Variants in KIF3B observed in about 807,000 individuals in gnomAD.
KIF3B encodes the protein kinesin-like protein KIF3B.
A neutral mutation model predicts 74.3 loss-of-function variants in KIF3B; 38 were observed. The ratio of observed to expected loss-of-function variants is 0.51; its 90% CI spans 0.39 to 0.67. The LOEUF (loss-of-function observed/expected upper bound fraction) is 0.67. KIF3B is among the 30% of genes least tolerant of loss of function. KIF3B has a pLI of 0.00. For missense variants in KIF3B, 649 were observed against 932.0 expected, an observed-to-expected ratio of 0.70 and a Z score of 3.95; for synonymous variants, 326 against 342.5, an observed-to-expected ratio of 0.95 and a Z score of 0.53.
chr20:32,322,388 C>T (rs2047864494), intron 5 of KIF3B, among the ~76,000 whole-genome samples: 1 of 150,878 alleles, frequency 6.6e-6, no homozygotes, highest in Non-Finnish European at 1.5e-5. Flanking sequence ...GTGGACGGAT[C>T]ACCTGAAGTC....
At chr20:32,306,682 C>T (rs1033359390) in intron 1 of KIF3B, among the ~76,000 whole-genome samples, 63 of 148,962 alleles carry the variant, frequency 4.2e-4, no homozygotes, top group African/African-American at 1.6e-3. Flanking sequence ...GCAACCGCCA[C>T]CTCCCGGGTT....
At chr20:32,278,613 A>G (rs6058616) in intron 1 of KIF3B, among the ~76,000 whole-genome samples, 2,024 of 152,220 alleles carry the variant, frequency 0.013, 45 homozygotes, top group African/African-American at 0.045. Context: ...CAAGGGAGGT[A>G]CTTCTACAAG....
chr20:32,285,605 C>A (rs1275636908), intron 1 of KIF3B, among the ~76,000 whole-genome samples: 2 of 152,168 alleles, frequency 1.3e-5, no homozygotes, highest in African/African-American at 2.4e-5. Flanking sequence ...CTGCTACTTG[C>A]TGTGTGACTT....
At chr20:32,286,966 A>G (rs770770520) in intron 1 of KIF3B, among the ~76,000 whole-genome samples, 1 of 152,230 alleles carries the variant, frequency 6.6e-6, no homozygotes, top group South Asian at 2.1e-4. Flanking sequence ...GTGTTAACCT[A>G]AAGCTGAAAA....
intron 1 of KIF3B, among the ~76,000 whole-genome samples, chr20:32,306,680 C>A (rs759480266): frequency 6.6e-6 from 1 of 150,514 alleles, no homozygotes; most frequent in African/African-American, 2.4e-5. Flanking sequence ...ATGCAACCGC[C>A]ACCTCCCGGG....
In KIF3B at chr20:32,289,294, A is replaced by G. The variant is rs1446406867; in HGVS notation, c.-66+11529A>G. Among the ~76,000 whole-genome samples, 4 of 150,972 alleles carry G rather than the reference A, an allele frequency of 2.6e-5. No homozygotes were observed. In the East Asian group the frequency reaches 7.8e-4, roughly 29 times the overall value. Reference sequence around the variant, plus strand: ...ACTGCAACCTCTGCCTCCTGGGTTCAAGCAGTTCTCTGCCTCAGCCTCCTG... The same window carrying G: ...ACTGCAACCTCTGCCTCCTGGGTTCGAGCAGTTCTCTGCCTCAGCCTCCTG... On this transcript the variant is annotated intron_variant, in intron 1 of 8. Transcript: ENST00000375712.
chr20:32,297,656 A>G (rs952660474), intron 1 of KIF3B, among the ~76,000 whole-genome samples: 7 of 152,148 alleles, frequency 4.6e-5, no homozygotes, highest in African/African-American at 1.7e-4. Context: ...AGAGATGTCT[A>G]CAAGAGCCAG....
intron 1 of KIF3B, among the ~76,000 whole-genome samples, chr20:32,281,704 G>A (rs1282010447): frequency 6.6e-6 from 1 of 152,058 alleles, no homozygotes; most frequent in African/African-American, 2.4e-5. Flanking sequence ...GCAACAGAGC[G>A]AGACTCCATC....
At chr20:32,293,866 A>G (rs778105745) in intron 1 of KIF3B, among the ~76,000 whole-genome samples, 1 of 152,208 alleles carries the variant, frequency 6.6e-6, no homozygotes, top group Non-Finnish European at 1.5e-5. Context: ...CGTATATATC[A>G]GGTGTTTTAA....
chr20:32,332,272 G>C lies in KIF3B; in HGVS notation c.*953G>C, dbSNP rs769792610. ...CTGATGGGACTGGAGTTGAGGGAAG[G>C]AGCTGTATTGTGGCACTTCTGAATT... is the stretch of plus-strand genomic sequence containing the variant. On this transcript the variant is annotated 3_prime_UTR_variant, in exon 9 of 9. Coordinates refer to ENST00000375712, the MANE Select transcript of KIF3B (RefSeq NM_004798.4). The C allele has an allele frequency of 6.5e-6, 1 of 152,718 alleles. No homozygotes were observed. The highest frequency in any genetic ancestry group is 1.5e-5 in the Non-Finnish European group (1 of 68,166). The allele number at this position is 152,718 out of a possible 1,614,324, so 9.5% of individuals were successfully genotyped here.
At chr20:32,302,677 A>G (rs1019511179) in intron 1 of KIF3B, among the ~76,000 whole-genome samples, 2 of 152,092 alleles carry the variant, frequency 1.3e-5, no homozygotes, top group Admixed American at 6.6e-5. Context: ...CAGGTCTAGG[A>G]TCTTGTCTGG....
chr20:32,293,579 C>T (rs2047702946), intron 1 of KIF3B, among the ~76,000 whole-genome samples: 1 of 152,020 alleles, frequency 6.6e-6, no homozygotes, highest in Non-Finnish European at 1.5e-5. Context: ...CACTGCACTC[C>T]AGCCTGGAGT....
intron 1 of KIF3B, among the ~76,000 whole-genome samples, chr20:32,308,219 G>C (rs568614178): frequency 6.6e-6 from 1 of 152,260 alleles, no homozygotes; most frequent in East Asian, 1.9e-4. Context: ...CTGGGTGACA[G>C]AGCGAGACTC....
Position 32,316,228 on chromosome 20 carries a change from G to A in KIF3B, c.1415G>A (p.Ser472Asn). The A allele has an allele frequency of 6.3e-7, 1 of 1,595,094 alleles. No homozygotes were observed. The highest frequency in any genetic ancestry group is 8.6e-7 in the Non-Finnish European group (1 of 1,162,738). Reference protein sequence around the residue: ...MLGAKIKAMESKLLVGGKNIV... With the variant: ...MLGAKIKAMENKLLVGGKNIV... ...TTGTTTCTCACTCAGGCCATGGAGA[G>A]TAAGTTGCTTGTTGGAGGAAAAAAT... The change falls in exon 3 of 9, where the codon AGT (serine) becomes AAT (asparagine). Residue 472 changes from serine to asparagine, a missense_variant. Coordinates refer to ENST00000375712, the MANE Select transcript of KIF3B (RefSeq NM_004798.4).
intron 2 of KIF3B, among the ~76,000 whole-genome samples, chr20:32,313,558 T>C (rs781714236): frequency 7.2e-5 from 11 of 152,264 alleles, no homozygotes; most frequent in Admixed American, 5.9e-4. Context: ...TCTAGCACTT[T>C]TAAGACCTGA....
chr20:32,308,078 T>TA (rs1264583643), intron 1 of KIF3B, among the ~76,000 whole-genome samples: 3 of 138,150 alleles, frequency 2.2e-5, no homozygotes, highest in Non-Finnish European at 3.2e-5. Context: ...CTACTAAAAA[T>TA]ACAAAAAATT....
chr20:32,286,574 A>T (rs946339431), intron 1 of KIF3B, among the ~76,000 whole-genome samples: 10 of 152,102 alleles, frequency 6.6e-5, no homozygotes, highest in Non-Finnish European at 1.5e-4. Flanking sequence ...AAAATATATA[A>T]TTTTTTCCGA....
chr20:32,322,121 T>C (rs2122707680), intron 5 of KIF3B, among the ~76,000 whole-genome samples: 1 of 152,294 alleles, frequency 6.6e-6, no homozygotes, highest in Non-Finnish European at 1.5e-5. Flanking sequence ...TTAACAGTAT[T>C]AAGTATTCAG....
chr20:32,311,061 T>C lies in KIF3B; in HGVS notation c.1284T>C (p.Ile428=). ...AACTGGAGATTGAGAAGCGGGCCAT[T>C]GTAGAGGATCACAGCTTGGTTGCAG... ...QEKLEIEKRA[I]VEDHSLVAEE... is the part of the protein sequence containing the mutation. Residue 428 remains isoleucine, a synonymous_variant, in exon 2 of 9, where the codon ATT becomes ATC. Transcript: ENST00000375712. 1 of 1,613,600 alleles carries C rather than the reference T, an allele frequency of 6.2e-7. No homozygotes were observed. Among genetic ancestry groups the C allele is most frequent in the Non-Finnish European group, 8.5e-7 (1 of 1,179,912 alleles).
Sources: gnomAD v4.1 joint callset for allele counts (sites outside exome capture counted in the v4.1 genomes callset) on GRCh38, gnomAD v4.1.1 for gene constraint, MANE v1.5 for transcripts, NCBI Gene and HGNC (gene_info 2026-07-23, HGNC 2026-07-21) for gene names.